The following TMEM135 variants were observed in gnomAD, a reference collection of about 807,000 sequenced individuals.
TMEM135 encodes the protein transmembrane protein 135.
Under a neutral mutation model 60.3 loss-of-function variants are expected in TMEM135, and 30 were observed. The observed-to-expected ratio is 0.50, with a 90% confidence interval of 0.37 to 0.68. The LOEUF (loss-of-function observed/expected upper bound fraction) is 0.68. Ranked by LOEUF, TMEM135 falls within the 30% of genes least tolerant of loss-of-function variation. TMEM135 has a pLI of 0.00. For synonymous variants in TMEM135, 190 were observed against 186.7 expected (o/e 1.02, Z -0.14); for missense variants, 468 against 548.8 (o/e 0.85, Z 1.47).
At chr11:87,147,994 G>C (rs1938460910) in intron 4 of TMEM135, among the ~76,000 whole-genome samples, 1 of 152,150 alleles carries the variant, frequency 6.6e-6, no homozygotes, top group Non-Finnish European at 1.5e-5. Flanking sequence ...CTGACCTTGA[G>C]ATCTGCCCGC....
chr11:87,163,298 T>C (rs1938942665), intron 5 of TMEM135, among the ~76,000 whole-genome samples: 1 of 145,206 alleles, frequency 6.9e-6, no homozygotes, highest in Non-Finnish European at 1.5e-5. Flanking sequence ...TTTGGTTTTT[T>C]GTTCTTGCGA....
Position 87,163,171 on chromosome 11 carries a change from A to G in TMEM135, c.462+5765A>G, listed in dbSNP as rs928848413. Among the ~76,000 whole-genome samples the G allele has an allele frequency of 1.5e-4, 21 of 140,362 alleles. No individual in the cohort carries two copies. In the South Asian group the frequency reaches 1.5e-3, roughly 10 times the overall value. 92.1% of individuals were successfully genotyped at this position (140,362 alleles called of 152,430 possible). On this transcript the variant is annotated intron_variant, in intron 5 of 14. Coordinates refer to ENST00000305494, the MANE Select transcript of TMEM135 (RefSeq NM_022918.4). The stretch of plus-strand genomic sequence containing the variant: ...CATCTAGCATTAGGTATATCTCCCA[A>G]TGCTATCCCTCCCCCCTCCCCCGAC...
At chr11:87,131,540 A>G (rs1052459076) in intron 4 of TMEM135, among the ~76,000 whole-genome samples, 2 of 152,292 alleles carry the variant, frequency 1.3e-5, no homozygotes, top group Middle Eastern at 3.4e-3. Context: ...TGAATAATTT[A>G]TTGCCTAAGA....
chr11:87,118,033 C>T (rs1483893348), intron 4 of TMEM135, among the ~76,000 whole-genome samples: 1 of 152,088 alleles, frequency 6.6e-6, no homozygotes. Context: ...CATCCAACCT[C>T]TTGGGTGACC....
At chr11:87,262,470 G>A (rs929255256) in intron 6 of TMEM135, among the ~76,000 whole-genome samples, 3 of 152,228 alleles carry the variant, frequency 2.0e-5, no homozygotes, top group East Asian at 3.9e-4. Context: ...GCTGTACTTT[G>A]AGGTGGAACA....
At chr11:87,184,825 G>A (rs1366844077) in intron 5 of TMEM135, among the ~76,000 whole-genome samples, 1 of 152,118 alleles carries the variant, frequency 6.6e-6, no homozygotes, top group African/African-American at 2.4e-5. Flanking sequence ...ACCCAAGATG[G>A]AAGTATTAAC....
chr11:87,283,450 T>C (rs1942105511), intron 6 of TMEM135, among the ~76,000 whole-genome samples: 1 of 152,214 alleles, frequency 6.6e-6, no homozygotes, highest in Non-Finnish European at 1.5e-5. Context: ...CAAATAAGCA[T>C]AAATTTATGA....
intron 5 of TMEM135, among the ~76,000 whole-genome samples, chr11:87,205,443 A>G (rs1940213725): frequency 6.6e-6 from 1 of 152,194 alleles, no homozygotes; most frequent in Non-Finnish European, 1.5e-5. Context: ...GAAACCCGCT[A>G]GAAGTTGCTT....
intron 3 of TMEM135, among the ~76,000 whole-genome samples, chr11:87,089,566 A>G (rs1467425500): frequency 6.6e-6 from 1 of 152,146 alleles, no homozygotes; most frequent in East Asian, 1.9e-4. Flanking sequence ...AAAAGAAAAA[A>G]AAATTGTCAG....
chr11:87,108,811 G>C (rs1202877384), intron 4 of TMEM135, among the ~76,000 whole-genome samples: 2 of 152,138 alleles, frequency 1.3e-5, no homozygotes, highest in Non-Finnish European at 2.9e-5. Flanking sequence ...TATTCTTAGA[G>C]CCTTTGGTTG....
At chr11:87,124,753 G>T (rs534529314) in intron 4 of TMEM135, among the ~76,000 whole-genome samples, 12 of 152,124 alleles carry the variant, frequency 7.9e-5, no homozygotes, top group African/African-American at 2.9e-4. Context: ...TTCTGTAGTA[G>T]TAATTTTCCT....
At chr11:87,294,180 C>G (rs1484063721) in intron 6 of TMEM135, among the ~76,000 whole-genome samples, 1 of 152,178 alleles carries the variant, frequency 6.6e-6, no homozygotes, top group Non-Finnish European at 1.5e-5. Context: ...TGTCTGTTTT[C>G]ATATCCTTTG....
intron 5 of TMEM135, among the ~76,000 whole-genome samples, chr11:87,227,637 T>A (rs1053169875): frequency 3.9e-5 from 6 of 152,184 alleles, no homozygotes; most frequent in African/African-American, 1.4e-4. Flanking sequence ...AATACATAGC[T>A]ATTTAACTTT....
chr11:87,255,694 A>G (rs1029356400), intron 6 of TMEM135, among the ~76,000 whole-genome samples: 2 of 152,108 alleles, frequency 1.3e-5, no homozygotes, highest in Non-Finnish European at 2.9e-5. Context: ...TTAAAAAATT[A>G]TCATAGCCAA....
intron 6 of TMEM135, among the ~76,000 whole-genome samples, chr11:87,265,853 T>C (rs1032229888): frequency 6.6e-6 from 1 of 152,144 alleles, no homozygotes; most frequent in Non-Finnish European, 1.5e-5. Context: ...CAATTTCTTA[T>C]TGAGAATCTT....
intron 5 of TMEM135, among the ~76,000 whole-genome samples, chr11:87,158,892 A>T (rs559434815): frequency 1.1e-4 from 16 of 152,340 alleles, no homozygotes; most frequent in African/African-American, 3.8e-4. Context: ...ATAAGGTCAG[A>T]TGTAGTAATC....
intron 3 of TMEM135, among the ~76,000 whole-genome samples, chr11:87,072,499 G>T (rs1271974241): frequency 2.0e-5 from 3 of 151,990 alleles, no homozygotes; most frequent in Admixed American, 1.3e-4. Flanking sequence ...TCCTATCTTA[G>T]CCTCCCGAGT....
chr11:87,200,673 C>G (rs1940073578), intron 5 of TMEM135, among the ~76,000 whole-genome samples: 1 of 152,152 alleles, frequency 6.6e-6, no homozygotes, highest in South Asian at 2.1e-4. Flanking sequence ...ATTGTATCTT[C>G]TGTGAGCTTC....
chr11:87,152,644 G>A (rs930628691), intron 4 of TMEM135, among the ~76,000 whole-genome samples: 2 of 151,528 alleles, frequency 1.3e-5, no homozygotes, highest in Non-Finnish European at 2.9e-5. Flanking sequence ...TCGCCATGTC[G>A]GTCAGGCTGG....
Sources: allele counts gnomAD v4.1 joint callset (sites outside exome capture counted in the v4.1 genomes callset), GRCh38; gene constraint gnomAD v4.1.1; transcripts MANE v1.5; gene names NCBI Gene and HGNC (gene_info 2026-07-23, HGNC 2026-07-21).